The following CFAP58 variants were observed in gnomAD, a reference collection of about 807,000 sequenced individuals.
CFAP58 encodes cilia- and flagella-associated protein 58.
CFAP58 carries 88 observed loss-of-function variants against 119.5 expected under a neutral mutation model. The ratio of observed to expected loss-of-function variants is 0.74; its 90% CI spans 0.62 to 0.88. CFAP58 has a LOEUF of 0.88. Ranked by LOEUF, CFAP58 falls within the 40% of genes least tolerant of loss-of-function variation. The probability of loss-of-function intolerance (pLI) is 0.00; values close to 1 mark genes in which losing one functional copy is unlikely to be tolerated. For missense variants in CFAP58, 990 were observed against 1,021.2 expected, an observed-to-expected ratio of 0.97 and a Z score of 0.42; for synonymous variants, 365 against 366.3, an observed-to-expected ratio of 1.00 and a Z score of 0.04.
chr10:104,345,661 A>G, the CFAP58 span, among the ~76,000 whole-genome samples: 2 of 152,086 alleles, frequency 1.3e-5, no homozygotes, highest in Non-Finnish European at 2.9e-5. Flanking sequence ...CAGTGAATTG[A>G]CAGAAGATGC....
At chr10:104,362,230 A>G in intron 3 of CFAP58, 59 bp downstream of exon 3, 3 of 1,478,040 alleles carry the variant, frequency 2.0e-6, no homozygotes, top group South Asian at 2.7e-5. Flanking sequence ...CTCCTTCAGT[A>G]GACAGCCTGG....
chr10:104,413,582 C>T (rs1483661763), intron 15 of CFAP58, among the ~76,000 whole-genome samples: 1 of 152,148 alleles, frequency 6.6e-6, no homozygotes, highest in Non-Finnish European at 1.5e-5. Flanking sequence ...GTTGTTGCTT[C>T]ATTTGTTCCT....
At chr10:104,447,894 C>T (rs748806311) in intron 16 of CFAP58, 77 bp downstream of exon 16, 154 of 1,477,998 alleles carry the variant, frequency 1.0e-4, no homozygotes, top group Admixed American at 2.1e-4. Context: ...AGTCCACTGA[C>T]TCCACACAAT....
chr10:104,427,873 G>A (rs998635335), intron 15 of CFAP58, among the ~76,000 whole-genome samples: 1 of 152,096 alleles, frequency 6.6e-6, no homozygotes, highest in Non-Finnish European at 1.5e-5. Flanking sequence ...CAGCAACATC[G>A]AGGGTTATGG....
intron 11 of CFAP58, among the ~76,000 whole-genome samples, chr10:104,397,486 T>G (rs1223590344): frequency 2.0e-5 from 3 of 152,152 alleles, no homozygotes; most frequent in Admixed American, 6.5e-5. Flanking sequence ...AAGTCTGAGG[T>G]GTAGAATTAA....
At chr10:104,434,933 A>C (rs1452833665) in intron 15 of CFAP58, among the ~76,000 whole-genome samples, 1 of 152,222 alleles carries the variant, frequency 6.6e-6, no homozygotes, top group East Asian at 1.9e-4. Context: ...TGGTCAGGTT[A>C]CTTGTTTCCT....
chr10:104,403,628 A>G, intron 13 of CFAP58, 101 bp from the exon 14 acceptor site: 1 of 660,512 alleles, frequency 1.5e-6, no homozygotes, highest in South Asian at 2.7e-5. Context: ...CCTAACTCCA[A>G]CTTTTTATAT....
At chr10:104,438,776 G>A (rs2133088303) in intron 15 of CFAP58, among the ~76,000 whole-genome samples, 1 of 152,262 alleles carries the variant, frequency 6.6e-6, no homozygotes, top group Admixed American at 6.5e-5. Flanking sequence ...TCCACTCATA[G>A]GTCTATATCC....
Position 104,399,493 on chromosome 10 carries a change from T to C in CFAP58, c.1808T>C (p.Leu603Ser). Residue 603 changes from leucine (L) to serine (S), a missense_variant, in exon 12 of 18, where the codon TTA becomes TCA. Transcript: ENST00000369704. The stretch of plus-strand genomic sequence containing the variant: ...GAGAGGTTGAGACAGAAGAAGGAAT[T>C]AGACCAGGTAGAGCATCTCCTTGTC... ...DGERLRQKKE[L>S]DQVISERDIL... 6.2e-7 allele frequency: 1 copy of C among 1,613,452 alleles called. No individual in the cohort carries two copies. The highest frequency in any genetic ancestry group is 8.5e-7 in the Non-Finnish European group (1 of 1,179,684).
chr10:104,395,717 G>T (rs1443066526), intron 11 of CFAP58, among the ~76,000 whole-genome samples: 1 of 152,144 alleles, frequency 6.6e-6, no homozygotes, highest in Non-Finnish European at 1.5e-5. Context: ...AAAACCCTGA[G>T]GGAAAGGGCA....
rs770323788 is a variant in CFAP58, at chr10:104,454,663, C to T, written c.*133C>T. The T allele has an allele frequency of 1.5e-6, 1 of 664,164 alleles. No homozygotes were observed. Among genetic ancestry groups the T allele is most frequent in the Non-Finnish European group, 2.7e-6 (1 of 370,782 alleles). The allele number at this position is 664,164 out of a possible 1,614,324, so 41.1% of individuals were successfully genotyped here. ...AGGATGGAAAGAAATGCAGAACTAT[C>T]ATAGTCACATACATATAAGAGGGAT... On this transcript the variant is annotated 3_prime_UTR_variant, in exon 18 of 18. Coordinates refer to ENST00000369704, the MANE Select transcript of CFAP58 (RefSeq NM_001008723.2).
intron 16 of CFAP58, among the ~76,000 whole-genome samples, chr10:104,449,578 A>G (rs550842626): frequency 2.5e-4 from 38 of 152,300 alleles, no homozygotes; most frequent in African/African-American, 8.2e-4. Flanking sequence ...CAGCATCACA[A>G]CCCTGGAAAA....
rs1012896018 is a variant in CFAP58 at position 104,390,750 on chromosome 10, G to C, written c.1366-1483G>C. On this transcript the variant is annotated intron_variant, in intron 9 of 17. Transcript: ENST00000369704. Reference sequence around the variant, plus strand: ...CTGATGTTGAAGGGAGAAAGTTCAAGTAAATAAGGAAAATAAATGTATATT... The same window carrying C: ...CTGATGTTGAAGGGAGAAAGTTCAACTAAATAAGGAAAATAAATGTATATT... 5.3e-5 allele frequency among the ~76,000 whole-genome samples: 8 copies of C among 152,140 alleles called. No individual in the cohort carries two copies. In the South Asian group the frequency reaches 8.3e-4, roughly 16 times the overall value.
chr10:104,346,633 C>CTTTTTTTTTTTTTTTTTTTT, the CFAP58 span, among the ~76,000 whole-genome samples: 60 of 101,118 alleles, frequency 5.9e-4, 5 homozygotes, highest in Non-Finnish European at 8.4e-4. Context: ...GCCATTTAGT[C>CTTTTTTTTTTTTTTTTTTTT]TTTTTTTTTT....
At chr10:104,357,924 CACATATACACACAT>C (rs1242859772) in intron 1 of CFAP58, among the ~76,000 whole-genome samples, 22 of 70,446 alleles carry the variant, frequency 3.1e-4, no homozygotes, top group Middle Eastern at 9.6e-3. Flanking sequence ...CATATATGTA[CACATATACACACAT>C]ATATGTACAC....
intron 15 of CFAP58, among the ~76,000 whole-genome samples, chr10:104,416,392 A>C (rs1321368047): frequency 6.6e-6 from 1 of 152,142 alleles, no homozygotes; most frequent in Admixed American, 6.5e-5. Context: ...CATGAACTGA[A>C]CTGGAAATCA....
chr10:104,349,274 A>G (rs909596927), upstream of CFAP58, among the ~76,000 whole-genome samples: 1 of 152,106 alleles, frequency 6.6e-6, no homozygotes, highest in East Asian at 1.9e-4. Context: ...AAACAAAACA[A>G]AACAAAACAA....
upstream of CFAP58, among the ~76,000 whole-genome samples, chr10:104,349,521 A>G (rs2014435778): frequency 1.3e-5 from 2 of 152,134 alleles, no homozygotes; most frequent in Admixed American, 1.3e-4. Context: ...TCACCTCTTT[A>G]AAGGCTCTAT....
intron 4 of CFAP58, 97 bp downstream of exon 4, chr10:104,364,986 C>G: frequency 8.1e-7 from 1 of 1,232,626 alleles, no homozygotes. Context: ...CTCAAATTTA[C>G]CCCCTAGCGC....
Sources: gnomAD v4.1 joint callset for allele counts (sites outside exome capture counted in the v4.1 genomes callset) on GRCh38, gnomAD v4.1.1 for gene constraint, MANE v1.5 for transcripts, NCBI Gene and HGNC (gene_info 2026-07-23, HGNC 2026-07-21) for gene names.